CNST: variants seen among roughly 807,000 people sequenced by gnomAD.
The protein encoded by CNST is consortin.
In CNST, 39 loss-of-function variants were observed where a neutral mutation model predicts 72.4. The observed-to-expected ratio is 0.54, with a 90% CI of 0.42 to 0.70. CNST has a LOEUF of 0.70. Among genes scored for constraint, CNST ranks in the 30% least tolerant of loss-of-function variants. The pLI, the probability that CNST is intolerant of heterozygous loss-of-function variation, is 0.00. For missense variants in CNST, 871 were observed against 868.5 expected (o/e 1.00, Z -0.04); for synonymous variants, 332 against 320.1 (o/e 1.04, Z -0.40).
intron 1 of CNST, among the ~76,000 whole-genome samples, chr1:246,576,781 A>C (rs1295563080): frequency 6.6e-6 from 1 of 151,966 alleles, no homozygotes; most frequent in Non-Finnish European, 1.5e-5. Flanking sequence ...GGCGTGAGCC[A>C]CCGCACCCAG....
At chr1:246,643,765 A>C (rs1665867781) in intron 8 of CNST, among the ~76,000 whole-genome samples, 1 of 152,218 alleles carries the variant, frequency 6.6e-6, no homozygotes, top group Non-Finnish European at 1.5e-5. Flanking sequence ...TTCACCAAAC[A>C]GTGTTTTAAA....
intron 10 of CNST, among the ~76,000 whole-genome samples, chr1:246,662,671 G>A (rs1427362201): frequency 6.6e-6 from 1 of 152,288 alleles, no homozygotes; most frequent in African/African-American, 2.4e-5. Context: ...GATTACAGGC[G>A]TGAGCCACCG....
intron 3 of CNST, among the ~76,000 whole-genome samples, chr1:246,627,949 A>T (rs1301556042): frequency 6.7e-6 from 1 of 148,954 alleles, no homozygotes; most frequent in Non-Finnish European, 1.5e-5. Context: ...TTTATTAAGT[A>T]TTAACTCGCA....
At chr1:246,605,085 T>C (rs1467844119) in intron 2 of CNST, among the ~76,000 whole-genome samples, 1 of 152,254 alleles carries the variant, frequency 6.6e-6, no homozygotes, top group East Asian at 1.9e-4. Context: ...TACTTTCTTA[T>C]AAGGTCATGT....
chr1:246,638,715 A>G (rs1165474922), intron 6 of CNST, among the ~76,000 whole-genome samples: 2 of 152,168 alleles, frequency 1.3e-5, no homozygotes, highest in South Asian at 2.1e-4. Context: ...GTAGGAAGGA[A>G]CTGCCATCTA....
chr1:246,593,738 C>T (rs967201774), intron 2 of CNST, among the ~76,000 whole-genome samples: 3 of 152,018 alleles, frequency 2.0e-5, no homozygotes, highest in Admixed American at 2.0e-4. Flanking sequence ...AGGGCAAATT[C>T]ACCAGGCCTC....
intron 9 of CNST, among the ~76,000 whole-genome samples, chr1:246,651,788 A>G (rs1230029809): frequency 2.0e-5 from 3 of 152,228 alleles, no homozygotes; most frequent in Admixed American, 2.0e-4. Context: ...TTTATACTGT[A>G]TACTGTTTTT....
intron 1 of CNST, among the ~76,000 whole-genome samples, chr1:246,587,002 A>C (rs1237512598): frequency 6.6e-6 from 1 of 152,218 alleles, no homozygotes. Context: ...ACTGAGGCCT[A>C]TGCGTTTAAT....
intron 2 of CNST, among the ~76,000 whole-genome samples, chr1:246,615,317 A>G (rs962203050): frequency 1.2e-4 from 19 of 152,054 alleles, no homozygotes; most frequent in Admixed American, 9.2e-4. Context: ...CTGGGACTAC[A>G]GGCGCGTGCC....
intron 3 of CNST, among the ~76,000 whole-genome samples, chr1:246,630,385 C>A (rs1664702227): frequency 6.6e-6 from 1 of 152,174 alleles, no homozygotes; most frequent in African/African-American, 2.4e-5. Flanking sequence ...TAACCAGATT[C>A]TTAAAAATCA....
At chr1:246,659,019 C>T (rs1666920519) in intron 9 of CNST, among the ~76,000 whole-genome samples, 2 of 152,146 alleles carry the variant, frequency 1.3e-5, no homozygotes, top group African/African-American at 4.8e-5. Context: ...AGGAGAGAGG[C>T]AGCCCAAGTG....
intron 8 of CNST, among the ~76,000 whole-genome samples, chr1:246,644,742 G>T (rs1264969522): frequency 6.6e-6 from 1 of 152,254 alleles, no homozygotes; most frequent in Non-Finnish European, 1.5e-5. Flanking sequence ...CACAGTGCCT[G>T]TGGGACTGTG....
Position 246,567,356 on chromosome 1 carries a change from T to G in CNST, c.-52+693T>G, listed in dbSNP as rs570373123. 2.7e-3 allele frequency among the ~76,000 whole-genome samples: 416 copies of G among 151,916 alleles called. 3 individuals carry two copies. The highest frequency in any genetic ancestry group is 3.9e-3 in the Non-Finnish European group (266 of 67,944). ...CTGTAATGGAAATTTTGGCAGTCTT[T>G]TTTTTTTTACCTATTGGGCAATGTT... On this transcript the variant is annotated intron_variant, in intron 1 of 10. Transcript: ENST00000366513.
At chr1:246,635,240 A>G in intron 6 of CNST, among the ~76,000 whole-genome samples, 1 of 151,826 alleles carries the variant, frequency 6.6e-6, no homozygotes, top group South Asian at 2.1e-4. Flanking sequence ...CGTATTCTTG[A>G]GAGTCGGGTT....
intron 9 of CNST, among the ~76,000 whole-genome samples, chr1:246,659,087 C>T (rs1666924700): frequency 6.6e-6 from 1 of 152,168 alleles, no homozygotes; most frequent in Admixed American, 6.6e-5. Flanking sequence ...AGATATTAGG[C>T]AGCAGACTTT....
Position 246,641,919 on chromosome 1 carries a change from TTTC to T in CNST, c.841-19_841-17del, listed in dbSNP as rs755112081. 8.9e-6 allele frequency: 14 copies of T among 1,579,120 alleles called. No homozygotes were observed. In the Admixed American group the frequency reaches 9.0e-5, roughly 10 times the overall value. Reference sequence around the variant, plus strand: ...ACAACAGTTTCCCCAAAAGTTGGGTTTTCTTGTTTTAAACTTTTTAGATAGCAG... The same window carrying T: ...ACAACAGTTTCCCCAAAAGTTGGGTTTTGTTTTAAACTTTTTAGATAGCAG... On this transcript the variant is annotated intron_variant, in intron 7 of 10. Coordinates refer to ENST00000366513, the MANE Select transcript of CNST (RefSeq NM_152609.3).
rs745425394 is a variant in CNST, at chr1:246,665,812, T to C, written c.2085T>C (p.Pro695=). 1 of 1,613,758 alleles carries C rather than the reference T, an allele frequency of 6.2e-7. No individual in the cohort carries two copies. Among genetic ancestry groups the C allele is most frequent in the Non-Finnish European group, 8.5e-7 (1 of 1,179,668 alleles). Residue 695 remains proline, a synonymous_variant, in exon 11 of 11, where the codon CCT becomes CCC. Coordinates refer to ENST00000366513, the MANE Select transcript of CNST (RefSeq NM_152609.3). The part of the protein sequence containing the change: ...LYCTFGDMES[P]VCTDFADNMD... ...GCACTTTCGGTGACATGGAGTCACC[T>C]GTTTGTACTGACTTTGCAGACAACA...
intron 1 of CNST, among the ~76,000 whole-genome samples, chr1:246,586,814 T>G (rs139790552): frequency 6.6e-6 from 1 of 152,194 alleles, no homozygotes; most frequent in Admixed American, 6.5e-5. Flanking sequence ...CATCTCAAGA[T>G]ATTGGAAATT....
At chr1:246,638,491 C>G (rs114284905) in intron 6 of CNST, among the ~76,000 whole-genome samples, 1,985 of 152,188 alleles carry the variant, frequency 0.013, 17 homozygotes, top group Middle Eastern at 0.037. Context: ...TAGGAAACCC[C>G]GTTCTTTCCA....
Sources: gnomAD v4.1 joint callset for allele counts (sites outside exome capture counted in the v4.1 genomes callset) on GRCh38, gnomAD v4.1.1 for gene constraint, MANE v1.5 for transcripts, NCBI Gene and HGNC (gene_info 2026-07-23, HGNC 2026-07-21) for gene names.